The following PHLPP1 variants were observed in gnomAD, a reference collection of about 807,000 sequenced individuals.
PHLPP1 encodes PH domain and leucine rich repeat protein phosphatase 1, also known as PH domain leucine-rich repeat-containing protein phosphatase 1.
Under a neutral mutation model 117.2 loss-of-function variants are expected in PHLPP1, and 42 were observed. The ratio of observed to expected loss-of-function variants is 0.36; its 90% CI spans 0.28 to 0.46. The LOEUF is 0.46. PHLPP1 is among the 20% of genes least tolerant of loss of function. PHLPP1 has a pLI of 1.00. For missense variants in PHLPP1, 2,084 were observed against 2,241.9 expected (o/e 0.93, Z 1.42); for synonymous variants, 1,042 against 970.7 (o/e 1.07, Z -1.37).
intron 12 of PHLPP1, among the ~76,000 whole-genome samples, chr18:62,954,856 A>G (rs1455429482): frequency 6.6e-6 from 1 of 152,250 alleles, no homozygotes; most frequent in Admixed American, 6.5e-5. Context: ...AGAGTCCTTC[A>G]TAAACTCACT....
chr18:62,918,193 G>T lies in PHLPP1; in HGVS notation c.2805-1766G>T, dbSNP rs1336633312. On this transcript the variant is annotated intron_variant, in intron 9 of 16. Coordinates refer to ENST00000262719, the MANE Select transcript of PHLPP1 (RefSeq NM_194449.4). ...TGCACTCCAGCCTGGGCGACAGAGT[G>T]AGACTCTGTCTCAAAAAAAAAAAAA... Among the ~76,000 whole-genome samples, 3 of 122,900 alleles carry T rather than the reference G, an allele frequency of 2.4e-5. No homozygotes were observed. In the Admixed American group the frequency reaches 2.7e-4, roughly 11 times the overall value. The allele number at this position is 122,900 out of a possible 152,430, so 80.6% of individuals were successfully genotyped here.
chr18:62,879,905 A>C (rs1023326265), intron 4 of PHLPP1, among the ~76,000 whole-genome samples: 1 of 151,888 alleles, frequency 6.6e-6, no homozygotes, highest in African/African-American at 2.4e-5. Flanking sequence ...CCCTCTGTCT[A>C]TTGAACTCCT....
intron 1 of PHLPP1, among the ~76,000 whole-genome samples, chr18:62,719,582 G>GT (rs1227458059): frequency 6.6e-6 from 1 of 152,110 alleles, no homozygotes; most frequent in African/African-American, 2.4e-5. Context: ...TTTGGTAGTA[G>GT]TTTTTTTCTG....
At position 62,842,206 on chromosome 18, in the gene PHLPP1, A is replaced by G. The variant is rs142815839; in HGVS notation, c.1899+3297A>G. On this transcript the variant is annotated intron_variant, in intron 3 of 16. Coordinates refer to ENST00000262719, the MANE Select transcript of PHLPP1 (RefSeq NM_194449.4). ...TCTATTTGTAATGTGTATTTTCAGC[A>G]TATAAAGACACGGGTCTTAGTTTGT... is the stretch of plus-strand genomic sequence containing the variant. Among the ~76,000 whole-genome samples the G allele has an allele frequency of 1.1e-3, 164 of 152,330 alleles. 2 individuals are homozygous for G. Among genetic ancestry groups the G allele is most frequent in the African/African-American group, 3.8e-3 (156 of 41,570 alleles).
At chr18:62,781,954 T>A (rs2144279237) in intron 1 of PHLPP1, among the ~76,000 whole-genome samples, 1 of 152,322 alleles carries the variant, frequency 6.6e-6, no homozygotes. Flanking sequence ...AAAGTGCCAG[T>A]TGCCTCCATC....
chr18:62,717,270 C>G lies in PHLPP1; in HGVS notation c.1576+11C>G. The G allele has an allele frequency of 6.4e-7, 1 of 1,555,864 alleles. No individual in the cohort carries two copies. The highest frequency in any genetic ancestry group is 8.7e-7 in the Non-Finnish European group (1 of 1,147,886). On this transcript the variant is annotated intron_variant, in intron 1 of 16. Coordinates refer to ENST00000262719, the MANE Select transcript of PHLPP1 (RefSeq NM_194449.4). Reference sequence around the variant, plus strand: ...TCCGCTTCTATGCAGGTAAGGAAGTCACCTGCCTTGACGGGTGGTTGCAAA... The same window carrying G: ...TCCGCTTCTATGCAGGTAAGGAAGTGACCTGCCTTGACGGGTGGTTGCAAA...
intron 1 of PHLPP1, among the ~76,000 whole-genome samples, chr18:62,770,668 C>T (rs926271894): frequency 2.0e-5 from 3 of 151,712 alleles, no homozygotes; most frequent in Admixed American, 6.6e-5. Flanking sequence ...GTTTGGATTT[C>T]GCTTACACAG....
chr18:62,977,054 AT>A, intron 16 of PHLPP1, among the ~76,000 whole-genome samples: 1 of 152,204 alleles, frequency 6.6e-6, no homozygotes, highest in African/African-American at 2.4e-5. Flanking sequence ...TTTCTGCCAA[AT>A]TCCATGCTTT....
chr18:62,958,016 G>A (rs980402434), intron 12 of PHLPP1, among the ~76,000 whole-genome samples: 5 of 151,756 alleles, frequency 3.3e-5, no homozygotes, highest in South Asian at 2.1e-4. Flanking sequence ...TGCACCTACC[G>A]TATTCAAGTG....
At chr18:62,860,001 A>C (rs1248855531) in intron 3 of PHLPP1, among the ~76,000 whole-genome samples, 1 of 152,240 alleles carries the variant, frequency 6.6e-6, no homozygotes, top group African/African-American at 2.4e-5. Flanking sequence ...TGGTGCAAAC[A>C]TCAGTGTGTA....
rs1296971797 is a variant in PHLPP1, at chr18:62,716,293, G to A, written c.610G>A (p.Val204Met). 1.4e-5 allele frequency: 21 copies of A among 1,531,240 alleles called. No individual in the cohort carries two copies. The highest frequency in any genetic ancestry group is 2.8e-5 in the African/African-American group (2 of 72,230). 94.9% of individuals were successfully genotyped at this position (1,531,240 alleles called of 1,614,324 possible). A position where few individuals can be genotyped will look rare whatever the true frequency, so the allele number is the denominator to read the frequency against. ...GAGGCACCAGCTCCAGCGCGGCTGC[G>A]TGCACGTCTTCGACCGCCACATGGC... is the stretch of plus-strand genomic sequence containing the variant. ...WVRHQLQRGC[V>M]HVFDRHMAST... Residue 204 changes from valine (V) to methionine (M), a missense_variant, in exon 1 of 17, where the codon GTG (valine) becomes ATG (methionine). Coordinates refer to ENST00000262719, the MANE Select transcript of PHLPP1 (RefSeq NM_194449.4). The surrounding 1 kb of genome is among the most constrained non-coding windows in gnomAD (Gnocchi z 5.7).
intron 1 of PHLPP1, among the ~76,000 whole-genome samples, chr18:62,800,033 G>C (rs1044797516): frequency 3.3e-5 from 5 of 152,152 alleles, no homozygotes; most frequent in Non-Finnish European, 5.9e-5. Flanking sequence ...TGGAAGAAGA[G>C]ATTTATAGAA....
chr18:62,900,442 T>C (rs1289234897), intron 6 of PHLPP1, among the ~76,000 whole-genome samples: 3 of 110,130 alleles, frequency 2.7e-5, no homozygotes, highest in Admixed American at 8.7e-5. Context: ...TCTTTTTTTT[T>C]TTTTTTTTTT....
chr18:62,730,543 C>T (rs1157795515), intron 1 of PHLPP1, among the ~76,000 whole-genome samples: 10 of 152,068 alleles, frequency 6.6e-5, no homozygotes, highest in Admixed American at 2.0e-4. Context: ...TGTTTTCGGC[C>T]AGGTGCAGTG....
intron 1 of PHLPP1, among the ~76,000 whole-genome samples, chr18:62,751,244 T>C (rs1159539403): frequency 6.6e-6 from 1 of 152,210 alleles, no homozygotes; most frequent in Non-Finnish European, 1.5e-5. Flanking sequence ...CAAAAATAAA[T>C]GTGAAGCATA....
chr18:62,894,939 A>T lies in PHLPP1; in HGVS notation c.2067-72A>T, dbSNP rs1230537912. Reference sequence around the variant, plus strand: ...TGGGAGTTGGGCTAGATTATCTCTTAGGCTATGCTAAAATTATGATGTTAA... The same window carrying T: ...TGGGAGTTGGGCTAGATTATCTCTTTGGCTATGCTAAAATTATGATGTTAA... On this transcript the variant is annotated intron_variant, in intron 4 of 16. Transcript: ENST00000262719. 3.1e-6 allele frequency: 4 copies of T among 1,304,960 alleles called. No homozygotes were observed. In the East Asian group the frequency reaches 1.0e-4, roughly 33 times the overall value. 80.8% of individuals were successfully genotyped at this position (1,304,960 alleles called of 1,614,324 possible). A position where few individuals can be genotyped will look rare whatever the true frequency, so the allele number is the denominator to read the frequency against.
intron 3 of PHLPP1, among the ~76,000 whole-genome samples, chr18:62,845,961 C>T (rs1371796130): frequency 3.9e-5 from 6 of 152,004 alleles, no homozygotes; most frequent in African/African-American, 1.5e-4. Context: ...CCTGTAATCC[C>T]AGCACTTTGG....
intron 3 of PHLPP1, among the ~76,000 whole-genome samples, chr18:62,855,524 C>T (rs910913212): frequency 5.3e-5 from 8 of 152,176 alleles, no homozygotes; most frequent in African/African-American, 1.7e-4. Flanking sequence ...AGTGGTGTAG[C>T]TAGTGGTAGC....
At chr18:62,824,927 A>G (rs574985535) in intron 1 of PHLPP1, among the ~76,000 whole-genome samples, 1 of 148,434 alleles carries the variant, frequency 6.7e-6, no homozygotes, top group East Asian at 2.1e-4. Context: ...GAGCCAATAT[A>G]TATACTTTTT....
Sources: allele counts gnomAD v4.1 joint callset (sites outside exome capture counted in the v4.1 genomes callset), GRCh38; gene constraint gnomAD v4.1.1; non-coding constraint Gnocchi (gnomAD v3.1); transcripts MANE v1.5; gene names NCBI Gene and HGNC (gene_info 2026-07-23, HGNC 2026-07-21).